Variants in PIK3AP1 observed in about 807,000 individuals in gnomAD.
The protein encoded by PIK3AP1 is phosphoinositide-3-kinase adaptor protein 1, also known as phosphoinositide 3-kinase adapter protein 1.
PIK3AP1 carries 21 observed loss-of-function variants against 88.1 expected under a neutral mutation model. That is an observed-to-expected ratio of 0.24 (90% CI 0.17 to 0.34). PIK3AP1 has a LOEUF of 0.34. Ranked by LOEUF, PIK3AP1 falls within the 10% of genes least tolerant of loss-of-function variation. PIK3AP1 has a pLI of 1.00. For missense variants in PIK3AP1, 828 were observed against 1,035.7 expected, an observed-to-expected ratio of 0.80 and a Z score of 2.75; for synonymous variants, 398 against 400.0, an observed-to-expected ratio of 1.00 and a Z score of 0.06.
chr10:96,692,684 G>A (rs1488788636), intron 2 of PIK3AP1, among the ~76,000 whole-genome samples: 1 of 152,190 alleles, frequency 6.6e-6, no homozygotes, highest in Non-Finnish European at 1.5e-5. Context: ...AACAACAATT[G>A]ATTTAGTCCT....
At chr10:96,609,583 T>A in intron 14 of PIK3AP1, 129 bp downstream of exon 14, 1 of 1,069,976 alleles carries the variant, frequency 9.3e-7, no homozygotes, top group Non-Finnish European at 1.3e-6. Context: ...CCACCTTTTA[T>A]ACCTCTCAAA....
intron 4 of PIK3AP1, among the ~76,000 whole-genome samples, 195 bp downstream of exon 4, chr10:96,652,503 G>A (rs970058030): frequency 3.9e-5 from 6 of 152,034 alleles, no homozygotes; most frequent in Non-Finnish European, 8.8e-5. Context: ...AACCTGGGAG[G>A]TGGAGCTTGC....
intron 2 of PIK3AP1, among the ~76,000 whole-genome samples, chr10:96,696,966 G>A (rs1844229709): frequency 6.6e-6 from 1 of 152,182 alleles, no homozygotes; most frequent in South Asian, 2.1e-4. Flanking sequence ...TTTCATGGTT[G>A]TAAATGTCTG....
intron 2 of PIK3AP1, among the ~76,000 whole-genome samples, chr10:96,700,253 C>T (rs114771395): frequency 0.016 from 2,379 of 148,146 alleles, 59 homozygotes; most frequent in African/African-American, 0.056. Flanking sequence ...CAGGAGAGGC[C>T]GAGTTTACCA....
chr10:96,659,414 A>G (rs1488827456), intron 2 of PIK3AP1, among the ~76,000 whole-genome samples: 1 of 152,186 alleles, frequency 6.6e-6, no homozygotes, highest in Non-Finnish European at 1.5e-5. Context: ...GGATGGACCC[A>G]CAGTGCAGTC....
At chr10:96,659,549 G>T (rs1235648555) in intron 2 of PIK3AP1, among the ~76,000 whole-genome samples, 1 of 151,984 alleles carries the variant, frequency 6.6e-6, no homozygotes. Flanking sequence ...TCATATTAAA[G>T]TGAGAACTCT....
chr10:96,668,462 C>A (rs1400877899), intron 2 of PIK3AP1, among the ~76,000 whole-genome samples: 2 of 152,100 alleles, frequency 1.3e-5, no homozygotes, highest in African/African-American at 4.8e-5. Flanking sequence ...GGATGAAGGC[C>A]TGTAGCATAA....
intron 16 of PIK3AP1, among the ~76,000 whole-genome samples, chr10:96,601,315 A>G (rs1848885761): frequency 6.6e-6 from 1 of 151,922 alleles, no homozygotes; most frequent in African/African-American, 2.4e-5. Context: ...CTCTACTAAA[A>G]ACACAAAAAT....
chr10:96,661,640 G>T (rs993338416), intron 2 of PIK3AP1, among the ~76,000 whole-genome samples: 1 of 152,144 alleles, frequency 6.6e-6, no homozygotes. Context: ...AAAAATATTA[G>T]CCAGGCATGG....
In PIK3AP1 at chr10:96,720,391, C is replaced by T; in HGVS notation, c.4G>A (p.Ala2Thr). The change falls in exon 1 of 17, where the codon GCA (alanine) becomes ACA (threonine). Residue 2 changes from alanine to threonine, a missense_variant. Transcript: ENST00000339364. The surrounding 1 kb of genome is among the most constrained non-coding windows in gnomAD (Gnocchi z 4.6). ...GCGCCTGCCTACCCACCTGAGGCTGCCATGCCGCGGGGCGCCGCTCACATC... is the reference window on the plus strand; with the variant it reads ...GCGCCTGCCTACCCACCTGAGGCTGTCATGCCGCGGGGCGCCGCTCACATC... M[A>T]ASGVPRGCDI... 1 of 1,239,628 alleles carries T rather than the reference C, an allele frequency of 8.1e-7. No individual in the cohort carries two copies. The allele number at this position is 1,239,628 out of a possible 1,614,324, so 76.8% of individuals were successfully genotyped here. A position where few individuals can be genotyped will look rare whatever the true frequency, so the allele number is the denominator to read the frequency against.
At chr10:96,604,752 G>A (rs7073125) in intron 14 of PIK3AP1, among the ~76,000 whole-genome samples, 125,998 of 152,204 alleles carry the variant, frequency 0.83, 52,422 homozygotes, top group East Asian at 0.99. Context: ...GCAGTTTTTT[G>A]CTTAGGAATT....
chr10:96,676,914 G>T (rs547605469), intron 2 of PIK3AP1, among the ~76,000 whole-genome samples: 1 of 152,034 alleles, frequency 6.6e-6, no homozygotes, highest in African/African-American at 2.4e-5. Context: ...ACTCAAGGAC[G>T]GACTGAACCC....
chr10:96,623,754 G>T (rs1460554283), intron 10 of PIK3AP1, among the ~76,000 whole-genome samples: 1 of 152,158 alleles, frequency 6.6e-6, no homozygotes, highest in African/African-American at 2.4e-5. Flanking sequence ...CAGAGGACAT[G>T]ATCAGCATTT....
At chr10:96,609,992 A>G in intron 13 of PIK3AP1, 125 bp from the exon 14 acceptor site, 1 of 1,236,392 alleles carries the variant, frequency 8.1e-7, no homozygotes, top group Non-Finnish European at 1.2e-6. Flanking sequence ...AGGGGAAGGG[A>G]AAAGACGATG....
intron 1 of PIK3AP1, 100 bp from the exon 2 acceptor site, chr10:96,710,083 A>C (rs1215031863): frequency 2.5e-6 from 3 of 1,212,484 alleles, no homozygotes; most frequent in Non-Finnish European, 3.4e-6. Context: ...TGGGTCTGGC[A>C]CCCACAATCT....
intron 2 of PIK3AP1, among the ~76,000 whole-genome samples, chr10:96,695,153 C>G (rs1012502899): frequency 6.6e-6 from 1 of 152,176 alleles, no homozygotes; most frequent in Non-Finnish European, 1.5e-5. Flanking sequence ...GCAACAAACT[C>G]AGGCTTTGAG....
chr10:96,648,145 G>A (rs1843486178), intron 7 of PIK3AP1, among the ~76,000 whole-genome samples: 1 of 152,106 alleles, frequency 6.6e-6, no homozygotes. Flanking sequence ...CAGCTTTATT[G>A]AGGTTTCTGC....
Position 96,623,463 on chromosome 10 carries a change from A to G in PIK3AP1, c.1735+9T>C, listed in dbSNP as rs765502827. The G allele has an allele frequency of 5.0e-6, 8 of 1,605,910 alleles. No homozygotes were observed. The South Asian group carries it at 8.8e-5, about 18-fold the overall frequency. ...CACAAAAGTTCAGTTCATATAACACATGGCTTACCTTTCCTGATGCTCTCT... is the reference window on the plus strand; with the variant it reads ...CACAAAAGTTCAGTTCATATAACACGTGGCTTACCTTTCCTGATGCTCTCT... On this transcript the variant is annotated intron_variant, in intron 11 of 16. Coordinates refer to ENST00000339364, the MANE Select transcript of PIK3AP1 (RefSeq NM_152309.3).
Position 96,686,428 on chromosome 10 carries a change from T to C in PIK3AP1, c.430+23139A>G, listed in dbSNP as rs576360400. Reference sequence around the variant, plus strand: ...GGAATTCAGGAGACAATTCGATAAATGAGTTTTACCCGTGGATGTACCGCA... The same window carrying C: ...GGAATTCAGGAGACAATTCGATAAACGAGTTTTACCCGTGGATGTACCGCA... On this transcript the variant is annotated intron_variant, in intron 2 of 16. Transcript: ENST00000339364. Among the ~76,000 whole-genome samples, 195 of 152,254 alleles carry C rather than the reference T, an allele frequency of 1.3e-3. 1 individual carries two copies. Among genetic ancestry groups the C allele is most frequent in the African/African-American group, 4.3e-3 (179 of 41,548 alleles).
Sources: allele counts gnomAD v4.1 joint callset (sites outside exome capture counted in the v4.1 genomes callset), GRCh38; gene constraint gnomAD v4.1.1; non-coding constraint Gnocchi (gnomAD v3.1); transcripts MANE v1.5; gene names NCBI Gene and HGNC (gene_info 2026-07-23, HGNC 2026-07-21).